TMEM273: variants seen among roughly 807,000 people sequenced by gnomAD.
The protein encoded by TMEM273 is transmembrane protein 273.
TMEM273 carries 19 observed loss-of-function variants against 17.9 expected under a neutral mutation model. The ratio of observed to expected loss-of-function variants is 1.06; its 90% CI spans 0.74 to 1.55. The LOEUF is 1.55. Ranked by LOEUF, TMEM273 falls within the 40% of genes most tolerant of loss-of-function variation. TMEM273 has a pLI of 0.00. For missense variants in TMEM273, 194 were observed against 155.6 expected (o/e 1.25, Z -1.31); for synonymous variants, 66 against 62.0 (o/e 1.07, Z -0.31).
intron 3 of TMEM273, chr10:49,166,638 A>C (rs765069255): frequency 7.3e-5 from 42 of 572,004 alleles, no homozygotes; most frequent in Non-Finnish European, 1.2e-4. Context: ...GGAAAGGGAG[A>C]CAGAAAAAGG....
Position 49,171,488 on chromosome 10 carries a change from G to A in TMEM273, c.44-3526C>T, listed in dbSNP as rs151290378. 4.3e-4 allele frequency among the ~76,000 whole-genome samples: 65 copies of A among 152,322 alleles called. No homozygotes were observed. The East Asian group carries it at 9.1e-3, about 21-fold the overall frequency. On this transcript the variant is annotated intron_variant, in intron 1 of 6. Transcript: ENST00000374153. ...AGAAGCTTTTCCTAATTTGCACAAG[G>A]GCACTCGATGGGCTCTAGATTCTAG... is the stretch of plus-strand genomic sequence containing the variant.
chr10:49,157,386 C>T (rs977063662), intron 6 of TMEM273, among the ~76,000 whole-genome samples: 2 of 152,200 alleles, frequency 1.3e-5, no homozygotes, highest in African/African-American at 4.8e-5. Flanking sequence ...CTGCATGGTA[C>T]TCCGGGCTGG....
At chr10:49,163,931 A>C (rs563569307) in intron 5 of TMEM273, among the ~76,000 whole-genome samples, 20 of 152,256 alleles carry the variant, frequency 1.3e-4, no homozygotes. Flanking sequence ...GCCACAATGC[A>C]CCATGCGTTC....
rs567722502 is a variant in TMEM273 at position 49,160,733 on chromosome 10, T to C, written c.372+866A>G. 5 of 150,058 alleles carry C rather than the reference T, an allele frequency of 3.3e-5. No homozygotes were observed. In the East Asian group the frequency reaches 1.0e-3, roughly 30 times the overall value. The allele number at this position is 150,058 out of a possible 1,614,324, so 9.3% of individuals were successfully genotyped here. A position where few individuals can be genotyped will look rare whatever the true frequency, so the allele number is the denominator to read the frequency against. On this transcript the variant is annotated intron_variant, in intron 6 of 6. Coordinates refer to ENST00000374153, the MANE Select transcript of TMEM273 (RefSeq NM_001288740.3). The stretch of plus-strand genomic sequence containing the variant: ...TGTATTCAGGGGTGAAATATCATGA[T>C]ATCTACACTAATTTGCAAGTAGATC...
Position 49,154,936 on chromosome 10 carries a change from C to G in TMEM273, c.*956G>C, listed in dbSNP as rs1232891373. On this transcript the variant is annotated 3_prime_UTR_variant, in exon 7 of 7. Transcript: ENST00000374153. Reference sequence around the variant, plus strand: ...AATATAGCTCATCTTTCATCACACACAAGGAGGGTAGCCCAGTCCGAGAGA... The same window carrying G: ...AATATAGCTCATCTTTCATCACACAGAAGGAGGGTAGCCCAGTCCGAGAGA... The G allele has an allele frequency of 6.6e-6, 1 of 152,186 alleles. No homozygotes were observed. Among genetic ancestry groups the G allele is most frequent in the Non-Finnish European group, 1.5e-5 (1 of 68,050 alleles). The allele number at this position is 152,186 out of a possible 1,614,324, so 9.4% of individuals were successfully genotyped here.
At chr10:49,157,994 A>T (rs1177920051) in intron 6 of TMEM273, among the ~76,000 whole-genome samples, 1 of 152,214 alleles carries the variant, frequency 6.6e-6, no homozygotes, top group Non-Finnish European at 1.5e-5. Context: ...ATGCTAACAT[A>T]ATCCCCCAAA....
Position 49,175,409 on chromosome 10 carries a change from G to A in TMEM273, c.44-7447C>T, listed in dbSNP as rs1005078979. On this transcript the variant is annotated intron_variant, in intron 1 of 6. Coordinates refer to ENST00000374153, the MANE Select transcript of TMEM273 (RefSeq NM_001288740.3). ...AACGAGAAGCAGGAGGCCACGGAGGGCCATGCAGAGGCCACCCCAGGCTGA... is the reference window on the plus strand; with the variant it reads ...AACGAGAAGCAGGAGGCCACGGAGGACCATGCAGAGGCCACCCCAGGCTGA... 6.6e-5 allele frequency among the ~76,000 whole-genome samples: 10 copies of A among 152,340 alleles called. No individual in the cohort carries two copies. The East Asian group carries it at 1.3e-3, about 21-fold the overall frequency.
At chr10:49,180,165 G>A (rs1564644902) in intron 1 of TMEM273, among the ~76,000 whole-genome samples, 1 of 152,184 alleles carries the variant, frequency 6.6e-6, no homozygotes, top group Non-Finnish European at 1.5e-5. Flanking sequence ...CTAGGAAAGA[G>A]TCAGGACGTC....
rs569657369 is a variant in TMEM273 at position 49,172,517 on chromosome 10, C to G, written c.44-4555G>C. Among the ~76,000 whole-genome samples, 4 of 152,300 alleles carry G rather than the reference C, an allele frequency of 2.6e-5. No individual in the cohort carries two copies. The South Asian group carries it at 8.3e-4, about 32-fold the overall frequency. On this transcript the variant is annotated intron_variant, in intron 1 of 6. Coordinates refer to ENST00000374153, the MANE Select transcript of TMEM273 (RefSeq NM_001288740.3). ...CCCCACAGCCAGACCCCCAGCCAAC[C>G]CTACTCACTGGGGAAAGGGTTTGTT...
intron 1 of TMEM273, among the ~76,000 whole-genome samples, chr10:49,182,150 G>T (rs904678724): frequency 6.6e-6 from 1 of 152,098 alleles, no homozygotes; most frequent in African/African-American, 2.4e-5. Flanking sequence ...TTTTTGTTAC[G>T]TTTGTAGAGA....
chr10:49,176,942 C>T (rs1847018237), intron 1 of TMEM273, among the ~76,000 whole-genome samples: 1 of 152,200 alleles, frequency 6.6e-6, no homozygotes. Context: ...TAGATCAAGC[C>T]CCACGCATGG....
chr10:49,156,243 A>G, intron 6 of TMEM273: 5 of 1,366,966 alleles, frequency 3.7e-6, no homozygotes, highest in Non-Finnish European at 4.9e-6. Flanking sequence ...GTGAATTTGC[A>G]CAGATCTGGC....
chr10:49,174,432 C>G (rs1224896329), intron 1 of TMEM273, among the ~76,000 whole-genome samples: 1 of 152,264 alleles, frequency 6.6e-6, no homozygotes, highest in Non-Finnish European at 1.5e-5. Context: ...CTTCCAGCAT[C>G]GCTCGGCTCT....
intron 1 of TMEM273, chr10:49,178,415 G>A: frequency 4.8e-6 from 2 of 415,120 alleles, no homozygotes; most frequent in East Asian, 7.1e-5. Context: ...TCCCCTGACG[G>A]TGGTGACAGT....
chr10:49,187,495 T>C (rs1847798434), intron 1 of TMEM273, among the ~76,000 whole-genome samples: 3 of 152,226 alleles, frequency 2.0e-5, no homozygotes, highest in African/African-American at 7.2e-5. Flanking sequence ...TCTTTGTATA[T>C]ATGAGGGACG....
At chr10:49,161,668 C>G (rs200325755) in intron 5 of TMEM273, 46 bp from the exon 6 acceptor site, 631 of 1,613,246 alleles carry the variant, frequency 3.9e-4, no homozygotes, top group Non-Finnish European at 5.2e-4. Context: ...GCCTTAGAAG[C>G]CAGAAAGACA....
chr10:49,187,836 T>C (rs1847820564), intron 1 of TMEM273, among the ~76,000 whole-genome samples: 1 of 152,242 alleles, frequency 6.6e-6, no homozygotes, highest in Admixed American at 6.5e-5. Context: ...TGATTCAACA[T>C]TAAATGTATA....
intron 6 of TMEM273, 61 bp downstream of exon 6, chr10:49,161,538 C>T (rs1293743609): frequency 5.6e-6 from 9 of 1,610,200 alleles, no homozygotes; most frequent in Non-Finnish European, 7.7e-6. Context: ...ACCCATGCAG[C>T]CCCATGGGGC....
chr10:49,170,564 G>C (rs1564633118), intron 1 of TMEM273, among the ~76,000 whole-genome samples: 1 of 152,178 alleles, frequency 6.6e-6, no homozygotes, highest in Non-Finnish European at 1.5e-5. Flanking sequence ...CTTAGGGACT[G>C]AGTGAATTCC....
Sources: allele counts gnomAD v4.1 joint callset (sites outside exome capture counted in the v4.1 genomes callset), GRCh38; gene constraint gnomAD v4.1.1; transcripts MANE v1.5; gene names NCBI Gene and HGNC (gene_info 2026-07-23, HGNC 2026-07-21).